The following DDX50 variants were observed in gnomAD, a reference collection of about 807,000 sequenced individuals.
DDX50 encodes the protein ATP-dependent RNA helicase DDX50.
A neutral mutation model predicts 94.8 loss-of-function variants in DDX50; 56 were observed. The observed-to-expected ratio is 0.59, with a 90% CI of 0.48 to 0.74. The LOEUF is 0.74. DDX50 is among the 30% of genes least tolerant of loss of function. The probability of loss-of-function intolerance (pLI) is 0.00; values close to 1 mark genes in which losing one functional copy is unlikely to be tolerated. For synonymous variants in DDX50, 264 were observed against 295.4 expected (o/e 0.89, Z 1.09); for missense variants, 713 against 881.2 (o/e 0.81, Z 2.42).
chr10:68,941,775 G>T (rs954791013), intron 13 of DDX50, among the ~76,000 whole-genome samples: 1 of 152,088 alleles, frequency 6.6e-6, no homozygotes, highest in African/African-American at 2.4e-5. Context: ...GAGTAGCTGA[G>T]ATTACAGGTG....
chr10:68,937,940 C>T (rs1842466054), intron 12 of DDX50, among the ~76,000 whole-genome samples: 1 of 152,096 alleles, frequency 6.6e-6, no homozygotes, highest in African/African-American at 2.4e-5. Context: ...GATATCATCC[C>T]TAAATATTTC....
intron 8 of DDX50, among the ~76,000 whole-genome samples, chr10:68,924,042 C>T (rs1429884435): frequency 7.1e-6 from 1 of 140,300 alleles, no homozygotes; most frequent in Non-Finnish European, 1.5e-5. Flanking sequence ...CTCTGCCTCC[C>T]AGGTTCAAGC....
chr10:68,904,144 CAA>C (rs34351981), intron 1 of DDX50, among the ~76,000 whole-genome samples: 106 of 108,328 alleles, frequency 9.8e-4, no homozygotes, highest in Non-Finnish European at 1.4e-3. Context: ...AACTCCGTCT[CAA>C]AAAAAAAAAA....
At chr10:68,903,084 C>A (rs896582142) in intron 1 of DDX50, among the ~76,000 whole-genome samples, 1 of 152,160 alleles carries the variant, frequency 6.6e-6, no homozygotes, top group African/African-American at 2.4e-5. Flanking sequence ...AATTGGAATA[C>A]CAACTAAAAG....
intron 11 of DDX50, among the ~76,000 whole-genome samples, chr10:68,936,517 T>A (rs10823273): frequency 0.015 from 512 of 33,820 alleles, 1 homozygote; most frequent in African/African-American, 0.021. Flanking sequence ...AAAAAAAAAA[T>A]ATATATATAT....
chr10:68,946,392 C>G lies in DDX50; in HGVS notation c.1976C>G (p.Ala659Gly). 6.2e-7 allele frequency: 1 copy of G among 1,614,066 alleles called. No homozygotes were observed. The highest frequency in any genetic ancestry group is 8.5e-7 in the Non-Finnish European group (1 of 1,179,970). ...TCCGACTGGATACTCTCAGTGCCAG[C>G]CAAATTACCTGAAATTGAAGAATAT... ...HDSDWILSVP[A>G]KLPEIEEYYD... The change falls in exon 15 of 15, where the codon GCC (alanine) becomes GGC (glycine). Residue 659 changes from alanine to glycine, a missense_variant. Ala to Gly is a moderately conservative substitution (Grantham distance 60, BLOSUM62 0). Around this residue, in one of 2 missense-constraint regions of DDX50, gnomAD observed 428 missense variants for 602.3 expected, o/e 0.71. Transcript: ENST00000373585.
At chr10:68,941,288 A>G (rs1842547820) in intron 13 of DDX50, 94 bp downstream of exon 13, 3 of 1,484,216 alleles carry the variant, frequency 2.0e-6, no homozygotes, top group African/African-American at 1.4e-5. Context: ...TTGAAGCCTA[A>G]TGGCATGAAT....
intron 8 of DDX50, among the ~76,000 whole-genome samples, chr10:68,929,293 C>CT (rs374759643): frequency 0.079 from 9,441 of 120,018 alleles, 411 homozygotes; most frequent in Middle Eastern, 0.15. Context: ...TCCTTCCTTC[C>CT]TCTCTCTCTC....
intron 8 of DDX50, among the ~76,000 whole-genome samples, chr10:68,929,725 CTTTT>C (rs35522934): frequency 3.1e-5 from 4 of 127,260 alleles, no homozygotes; most frequent in Non-Finnish European, 3.3e-5. Context: ...CGCCTGGCCT[CTTTT>C]TTTTTTTTTT....
At chr10:68,924,691 G>T (rs7894724) in intron 8 of DDX50, among the ~76,000 whole-genome samples, 93,289 of 151,654 alleles carry the variant, frequency 0.62, 29,144 homozygotes, top group East Asian at 0.89. Flanking sequence ...CTACTTTCTA[G>T]TTCTAGCTGT....
intron 2 of DDX50, among the ~76,000 whole-genome samples, chr10:68,908,027 A>G (rs1371180528): frequency 6.6e-6 from 1 of 152,250 alleles, no homozygotes; most frequent in African/African-American, 2.4e-5. Context: ...TGATAATAGG[A>G]AAATATTTAA....
intron 8 of DDX50, among the ~76,000 whole-genome samples, chr10:68,925,580 T>C (rs1306885120): frequency 6.6e-6 from 1 of 152,198 alleles, no homozygotes; most frequent in Non-Finnish European, 1.5e-5. Context: ...GCATTAGCTT[T>C]GATGTTTAAA....
intron 10 of DDX50, among the ~76,000 whole-genome samples, chr10:68,935,774 G>T (rs1319177965): frequency 2.0e-5 from 3 of 152,146 alleles, no homozygotes; most frequent in Admixed American, 6.6e-5. Flanking sequence ...GGTGGAGGTT[G>T]CAGTGAGCCA....
chr10:68,908,044 T>G (rs1397018945), intron 2 of DDX50, among the ~76,000 whole-genome samples: 1 of 152,236 alleles, frequency 6.6e-6, no homozygotes, highest in Non-Finnish European at 1.5e-5. Context: ...TTAAACATCC[T>G]AAATGTCTGA....
Position 68,903,080 on chromosome 10 carries a change from A to T in DDX50, c.87+1609A>T, listed in dbSNP as rs577146263. 3.9e-5 allele frequency among the ~76,000 whole-genome samples: 6 copies of T among 152,332 alleles called. No homozygotes were observed. In the East Asian group the frequency reaches 9.6e-4, roughly 24 times the overall value. The stretch of plus-strand genomic sequence containing the variant: ...AACCAGAGATTTGGAAACGAATTGG[A>T]ATACCAACTAAAAGAAATAGAGCAT... On this transcript the variant is annotated intron_variant, in intron 1 of 14. Coordinates refer to ENST00000373585, the MANE Select transcript of DDX50 (RefSeq NM_024045.2).
At chr10:68,910,700 C>G (rs1286832587) in intron 3 of DDX50, among the ~76,000 whole-genome samples, 1 of 152,124 alleles carries the variant, frequency 6.6e-6, no homozygotes, top group Non-Finnish European at 1.5e-5. Context: ...CACGGCTGGC[C>G]CAAAGGTTTG....
In DDX50 at chr10:68,934,101, A is replaced by ATTT. The variant is rs1454841772; in HGVS notation, c.1240-97_1240-95dup. 3 of 1,232,014 alleles carry ATTT rather than the reference A, an allele frequency of 2.4e-6. No individual in the cohort carries two copies. The highest frequency in any genetic ancestry group is 3.7e-5 in the South Asian group (2 of 53,374). 76.3% of individuals were successfully genotyped at this position (1,232,014 alleles called of 1,614,324 possible). On this transcript the variant is annotated intron_variant, in intron 8 of 14. Coordinates refer to ENST00000373585, the MANE Select transcript of DDX50 (RefSeq NM_024045.2). The surrounding 1 kb of genome is among the most constrained non-coding windows in gnomAD (Gnocchi z 4.0). ...GCATTGTTAAAATCATCAAAGTAAG[A>ATTT]TTTAAAAACATGCAAAAGGAGCACA...
intron 3 of DDX50, 89 bp from the exon 4 acceptor site, chr10:68,910,979 A>G: frequency 5.7e-6 from 6 of 1,060,056 alleles, no homozygotes; most frequent in Middle Eastern, 6.9e-4. Context: ...AGGCAGACAT[A>G]GAAGAATTAT....
chr10:68,946,285 G>A (rs537132687), intron 14 of DDX50, 67 bp from the exon 15 acceptor site: 9 of 1,516,906 alleles, frequency 5.9e-6, no homozygotes, highest in Admixed American at 2.1e-5. Context: ...GTGTCTTCTT[G>A]TACTTAACAT....
Sources: gnomAD v4.1 joint callset for allele counts (sites outside exome capture counted in the v4.1 genomes callset) on GRCh38, gnomAD v4.1.1 for gene constraint, gnomAD v4.1.1 regional missense constraint, Gnocchi (gnomAD v3.1) non-coding constraint, MANE v1.5 for transcripts, NCBI Gene and HGNC (gene_info 2026-07-23, HGNC 2026-07-21) for gene names.